The following SYNE2 variants were observed in gnomAD, a reference collection of about 807,000 sequenced individuals.
The protein encoded by SYNE2 is nesprin-2.
Under a neutral mutation model 856.3 loss-of-function variants are expected in SYNE2, and 431 were observed. The observed-to-expected ratio is 0.50, with a 90% confidence interval of 0.47 to 0.55. SYNE2 has a LOEUF of 0.55. Among genes scored for constraint, SYNE2 ranks in the 20% least tolerant of loss-of-function variants. The pLI, the probability that SYNE2 is intolerant of heterozygous loss-of-function variation, is 0.00. For synonymous variants in SYNE2, 2,923 were observed against 2,872.3 expected, an observed-to-expected ratio of 1.02 and a Z score of -0.56; for missense variants, 8,129 against 8,023.2, an observed-to-expected ratio of 1.01 and a Z score of -0.50.
Position 64,216,297 on chromosome 14 carries a change from C to T in SYNE2, c.19452C>T (p.Ser6484=). The change falls in exon 108 of 116, where the codon TCC becomes TCT. Residue 6484 remains serine, a synonymous_variant. Transcript: ENST00000555002. The part of the protein sequence containing the change: ...GHSWHVPDSP[S]CPEHHYKQME... Reference sequence around the variant, plus strand: ...CGTGGCATGTTCCCGACAGCCCTTCCTGTCCCGAGCATCACTACAAGCAAA... The same window carrying T: ...CGTGGCATGTTCCCGACAGCCCTTCTTGTCCCGAGCATCACTACAAGCAAA... 1 of 1,614,206 alleles carries T rather than the reference C, an allele frequency of 6.2e-7. No individual in the cohort carries two copies. Among genetic ancestry groups the T allele is most frequent in the Non-Finnish European group, 8.5e-7 (1 of 1,180,048 alleles).
At chr14:63,949,592 G>A (rs1339376292) in intron 6 of SYNE2, among the ~76,000 whole-genome samples, 1 of 152,124 alleles carries the variant, frequency 6.6e-6, no homozygotes, top group Admixed American at 6.5e-5. Context: ...CCTCAATGTG[G>A]GACAGCATGC....
intron 45 of SYNE2, among the ~76,000 whole-genome samples, chr14:64,038,132 G>A (rs1322735286): frequency 1.3e-5 from 2 of 152,094 alleles, no homozygotes; most frequent in Non-Finnish European, 2.9e-5. Flanking sequence ...CGGGGTCCCG[G>A]CCGGGCAGAG....
intron 96 of SYNE2, among the ~76,000 whole-genome samples, chr14:64,180,863 G>A (rs2098454591): frequency 1.3e-5 from 2 of 151,972 alleles, no homozygotes; most frequent in African/African-American, 4.8e-5. Context: ...TTTATTTCTT[G>A]GTGCAATATT....
At chr14:63,945,562 T>C (rs1272872081) in intron 6 of SYNE2, among the ~76,000 whole-genome samples, 1 of 152,162 alleles carries the variant, frequency 6.6e-6, no homozygotes, top group East Asian at 1.9e-4. Context: ...ATATTTACCA[T>C]TGTATTGTTG....
chr14:64,070,495 G>T (rs1013051356), intron 51 of SYNE2, 150 bp from the exon 52 acceptor site: 30 of 669,076 alleles, frequency 4.5e-5, no homozygotes, highest in Non-Finnish European at 7.3e-5. Flanking sequence ...TGATAGTAGA[G>T]GATTAATATT....
chr14:64,225,472 T>C lies in SYNE2; in HGVS notation c.20670T>C (p.Phe6890=), dbSNP rs200190325. ...EDYSCTQANN[F]ARSFYPMLRY... ...ACAGCTGCACTCAGGCCAACAACTT[T>C]GCCCGGTCCTTTTACCCCATGCTGA... The change falls in exon 116 of 116, where the codon TTT becomes TTC. Residue 6890 remains phenylalanine (F), a synonymous_variant. Coordinates refer to ENST00000555002, the MANE Select transcript of SYNE2 (RefSeq NM_182914.3). 7 of 1,614,214 alleles carry C rather than the reference T, an allele frequency of 4.3e-6. No homozygotes were observed. In the African/African-American group the frequency reaches 9.3e-5, roughly 22 times the overall value.
At chr14:64,027,844 T>TC in intron 43 of SYNE2, 51 bp downstream of exon 43, 3 of 1,367,456 alleles carry the variant, frequency 2.2e-6, no homozygotes, top group South Asian at 1.2e-5. Flanking sequence ...TATACATAAG[T>TC]ATGCAAGACA....
At position 64,056,025 on chromosome 14, in the gene SYNE2, G is replaced by A; in HGVS notation, c.9826G>A (p.Glu3276Lys). The change falls in exon 49 of 116, where the codon GAA becomes AAA. Residue 3276 changes from glutamate to lysine, a missense_variant. Physicochemically the swap from Glu to Lys is moderately conservative, Grantham distance 56. This residue lies in a region of SYNE2 where 5,410 missense variants were observed against 5,284.8 expected (regional missense o/e 1.02). Transcript: ENST00000555002. ...TRAVESITSL[E>K]AIIIPYRVDV... ...GGCAGTGGAGAGCATCACTTCCCTCGAAGCCATCATTATACCCTACAGAGT... is the reference window on the plus strand; with the variant it reads ...GGCAGTGGAGAGCATCACTTCCCTCAAAGCCATCATTATACCCTACAGAGT... 7.4e-6 allele frequency: 12 copies of A among 1,614,010 alleles called. No individual in the cohort carries two copies. The highest frequency in any genetic ancestry group is 1.7e-5 in the Admixed American group (1 of 60,012).
intron 63 of SYNE2, among the ~76,000 whole-genome samples, chr14:64,101,194 T>G (rs2097726309): frequency 6.6e-6 from 1 of 152,178 alleles, no homozygotes; most frequent in South Asian, 2.1e-4. Context: ...GGTTCTATTT[T>G]TAGTTTTTTG....
At chr14:63,859,816 G>A (rs1272608428) in intron 1 of SYNE2, among the ~76,000 whole-genome samples, 3 of 152,134 alleles carry the variant, frequency 2.0e-5, no homozygotes, top group East Asian at 3.9e-4. Flanking sequence ...ACTCTGCCTC[G>A]GGAAAAAGAG....
At chr14:63,903,997 G>A (rs1464743868) in intron 1 of SYNE2, among the ~76,000 whole-genome samples, 2 of 152,002 alleles carry the variant, frequency 1.3e-5, no homozygotes, top group Non-Finnish European at 2.9e-5. Flanking sequence ...CTGGAAGTCT[G>A]CAGTGTCTTT....
rs374101228 is a variant in SYNE2 at position 64,065,010 on chromosome 14, G to A, written c.10213-422G>A. On this transcript the variant is annotated intron_variant, in intron 50 of 115. Coordinates refer to ENST00000555002, the MANE Select transcript of SYNE2 (RefSeq NM_182914.3). ...CTCCTGAGTAGCTGGGACTACAGGC[G>A]CATGCCACCACGCCCAGCTAAATTT... 2.6e-5 allele frequency among the ~76,000 whole-genome samples: 4 copies of A among 151,946 alleles called. No individual in the cohort carries two copies. In the East Asian group the frequency reaches 5.8e-4, roughly 22 times the overall value.
chr14:64,148,800 G>A (rs966709081), intron 84 of SYNE2, among the ~76,000 whole-genome samples: 1 of 152,180 alleles, frequency 6.6e-6, no homozygotes, highest in African/African-American at 2.4e-5. Context: ...ACTGTACTGG[G>A]CTCATCTGTC....
chr14:64,061,537 C>T lies in SYNE2; in HGVS notation c.10068-1214C>T, dbSNP rs575185082. Reference sequence around the variant, plus strand: ...CTTGCCAACATTTGATATTGTGAGACTCAATTTTTGCCAATCTGATGAGTA... The same window carrying T: ...CTTGCCAACATTTGATATTGTGAGATTCAATTTTTGCCAATCTGATGAGTA... On this transcript the variant is annotated intron_variant, in intron 49 of 115. Transcript: ENST00000555002. 1.9e-4 allele frequency among the ~76,000 whole-genome samples: 29 copies of T among 152,284 alleles called. No homozygotes were observed. In the South Asian group the frequency reaches 5.4e-3, roughly 28 times the overall value.
At chr14:64,125,028 C>G in intron 70 of SYNE2, 51 bp from the exon 71 acceptor site, 2 of 1,609,444 alleles carry the variant, frequency 1.2e-6, no homozygotes, top group South Asian at 2.2e-5. Context: ...AATTAATTAA[C>G]ATCAGCAGGG....
At chr14:64,167,107 A>T (rs540845637) in intron 90 of SYNE2, 126 bp from the exon 91 acceptor site, 6 of 1,183,348 alleles carry the variant, frequency 5.1e-6, no homozygotes, top group Non-Finnish European at 7.3e-6. Context: ...AAGCTGTTTG[A>T]CTGTGGGCAA....
At chr14:63,986,888 T>C (rs2096629853) in intron 19 of SYNE2, among the ~76,000 whole-genome samples, 1 of 152,216 alleles carries the variant, frequency 6.6e-6, no homozygotes, top group African/African-American at 2.4e-5. Context: ...AAATATTTTC[T>C]TGCACCAGAG....
Position 64,031,275 on chromosome 14 carries a change from A to C in SYNE2, c.7139A>C (p.Lys2380Thr), listed in dbSNP as rs1157953928. 1.9e-6 allele frequency: 3 copies of C among 1,614,074 alleles called. No homozygotes were observed. Among genetic ancestry groups the C allele is most frequent in the African/African-American group, 1.3e-5 (1 of 74,954 alleles). ...KGKFTLPGRE[K>T]QATSDVQEST... is the part of the protein sequence containing the mutation. ...AAGTTTACTCTGCCAGGCAGAGAGA[A>C]GCAGGCCACTTCTGATGTGCAGGAG... The change falls in exon 45 of 116, where the codon AAG becomes ACG. Residue 2380 changes from lysine (K) to threonine (T), a missense_variant. Around this residue, in one of 3 missense-constraint regions of SYNE2, gnomAD observed 297 missense variants for 380.9 expected, o/e 0.78. Transcript: ENST00000555002.
chr14:63,832,535 AATT>A (rs1416407881), intron 1 of SYNE2, among the ~76,000 whole-genome samples: 1 of 151,940 alleles, frequency 6.6e-6, no homozygotes, highest in East Asian at 1.9e-4. Flanking sequence ...ACCAGAGAAA[AATT>A]ATTATTTTAG....
Sources: gnomAD v4.1 joint callset for allele counts (sites outside exome capture counted in the v4.1 genomes callset) on GRCh38, gnomAD v4.1.1 for gene constraint, gnomAD v4.1.1 regional missense constraint, MANE v1.5 for transcripts, NCBI Gene and HGNC (gene_info 2026-07-23, HGNC 2026-07-21) for gene names.